Variants in NKD1 observed in about 807,000 individuals in gnomAD.
NKD1 encodes the protein protein naked cuticle homolog 1.
A neutral mutation model predicts 56.0 loss-of-function variants in NKD1; 21 were observed. The observed-to-expected ratio is 0.38, with a 90% confidence interval of 0.27 to 0.54. NKD1 has a LOEUF of 0.54. NKD1 is among the 20% of genes least tolerant of loss of function. The pLI, the probability that NKD1 is intolerant of heterozygous loss-of-function variation, is 0.82. For synonymous variants in NKD1, 263 were observed against 265.7 expected (o/e 0.99, Z 0.10); for missense variants, 578 against 642.7 (o/e 0.90, Z 1.09).
In NKD1 at chr16:50,636,379, T is replaced by C. The variant is rs1962468397; in HGVS notation, c.*2598T>C. On this transcript the variant is annotated 3_prime_UTR_variant, in exon 10 of 10. Coordinates refer to ENST00000268459, the MANE Select transcript of NKD1 (RefSeq NM_033119.5). ...TGGGACTTGCCCAACTTTAAAAACA[T>C]TATTTAAAAAAATAGTAATGTGCAC... 2.0e-5 allele frequency: 3 copies of C among 152,224 alleles called. No homozygotes were observed. Among genetic ancestry groups the C allele is most frequent in the Non-Finnish European group, 2.9e-5 (2 of 68,042 alleles). 9.4% of individuals were successfully genotyped at this position (152,224 alleles called of 1,614,324 possible). A position where few individuals can be genotyped will look rare whatever the true frequency, so the allele number is the denominator to read the frequency against.
chr16:50,606,092 C>T (rs1961701395), intron 3 of NKD1: 1 of 150,674 alleles, frequency 6.6e-6, no homozygotes, highest in Admixed American at 6.6e-5. Flanking sequence ...GAGTCTCACA[C>T]TGTCACCTGG....
In NKD1 at chr16:50,643,267, G is replaced by A. The variant is rs376154726; in HGVS notation, c.*9486G>A. 6.6e-6 allele frequency: 1 copy of A among 152,208 alleles called. No individual in the cohort carries two copies. Among genetic ancestry groups the A allele is most frequent in the East Asian group, 1.9e-4 (1 of 5,202 alleles). The allele number at this position is 152,208 out of a possible 1,614,324, so 9.4% of individuals were successfully genotyped here. A position where few individuals can be genotyped will look rare whatever the true frequency, so the allele number is the denominator to read the frequency against. The stretch of plus-strand genomic sequence containing the variant: ...AAAACAGCCTTGAGAGGAAACCAAC[G>A]AGGAAACAGAGTTACAGTTCAGTTA... On this transcript the variant is annotated 3_prime_UTR_variant, in exon 10 of 10. Transcript: ENST00000268459.
At chr16:50,597,786 C>T (rs1451454101) in intron 3 of NKD1, among the ~76,000 whole-genome samples, 2 of 152,160 alleles carry the variant, frequency 1.3e-5, no homozygotes, top group Non-Finnish European at 2.9e-5. Context: ...GGGATTGGTG[C>T]CCTCATTTTA....
intron 4 of NKD1, among the ~76,000 whole-genome samples, chr16:50,620,179 T>G (rs1355398894): frequency 2.0e-5 from 3 of 152,274 alleles, no homozygotes; most frequent in Non-Finnish European, 4.4e-5. Context: ...CCAGGGGAAG[T>G]GCCTTAGTTA....
intron 4 of NKD1, among the ~76,000 whole-genome samples, chr16:50,612,451 G>A (rs974526999): frequency 6.6e-6 from 1 of 152,250 alleles, no homozygotes; most frequent in African/African-American, 2.4e-5. Flanking sequence ...GGGCTCTGCT[G>A]GGCCCTGGGT....
chr16:50,560,860 A>ATCTATCTG (rs1960616064), intron 3 of NKD1, among the ~76,000 whole-genome samples: 2 of 151,812 alleles, frequency 1.3e-5, no homozygotes, highest in Admixed American at 1.3e-4. Flanking sequence ...CTATCTATCT[A>ATCTATCTG]TCTACAGCAG....
At chr16:50,582,985 G>A (rs562438022) in intron 3 of NKD1, among the ~76,000 whole-genome samples, 6 of 152,140 alleles carry the variant, frequency 3.9e-5, no homozygotes, top group African/African-American at 1.2e-4. Context: ...CCAGCCTGGC[G>A]ACAGCGCGAG....
intron 3 of NKD1, among the ~76,000 whole-genome samples, chr16:50,565,950 A>G (rs995715188): frequency 5.9e-5 from 9 of 152,082 alleles, no homozygotes; most frequent in African/African-American, 1.9e-4. Flanking sequence ...CCTGTGGTCG[A>G]CTTTAGAGCA....
intron 3 of NKD1, among the ~76,000 whole-genome samples, chr16:50,563,062 C>CT (rs968617506): frequency 2.2e-5 from 3 of 134,828 alleles, no homozygotes; most frequent in Non-Finnish European, 4.6e-5. Context: ...ACCAGTAGAA[C>CT]TTTCTGATGA....
At chr16:50,580,997 G>A (rs750129611) in intron 3 of NKD1, among the ~76,000 whole-genome samples, 16 of 152,210 alleles carry the variant, frequency 1.1e-4, no homozygotes, top group Non-Finnish European at 1.8e-4. Context: ...AACCAAAATG[G>A]TTGTTTTCTG....
intron 5 of NKD1, 171 bp from the exon 6 acceptor site, chr16:50,625,314 C>T: frequency 4.9e-6 from 3 of 606,694 alleles, no homozygotes; most frequent in East Asian, 2.8e-5. Flanking sequence ...GCTCTGGCTG[C>T]CCTCCTGGGC....
chr16:50,620,546 T>G (rs550116586), intron 4 of NKD1, among the ~76,000 whole-genome samples: 1 of 152,212 alleles, frequency 6.6e-6, no homozygotes, highest in Non-Finnish European at 1.5e-5. Flanking sequence ...GGCTGTTTCT[T>G]CACCTTTAAA....
At chr16:50,548,776 G>C in intron 2 of NKD1, 27 bp downstream of exon 2, 1 of 1,383,968 alleles carries the variant, frequency 7.2e-7, no homozygotes, top group South Asian at 1.7e-5. Flanking sequence ...CGCAGACCTC[G>C]GGGATGGACG....
At chr16:50,595,478 TGTGGGGCTCAGACAGCAGAGG>T (rs1961453078) in intron 3 of NKD1, among the ~76,000 whole-genome samples, 1 of 151,994 alleles carries the variant, frequency 6.6e-6, no homozygotes, top group Non-Finnish European at 1.5e-5. Context: ...CTGGTGGAAA[TGTGGGGCTCAGACAGCAGAGG>T]CCTCTCTTCC....
intron 7 of NKD1, 98 bp downstream of exon 7, chr16:50,630,431 C>G: frequency 2.2e-6 from 3 of 1,346,952 alleles, no homozygotes; most frequent in Non-Finnish European, 3.1e-6. Context: ...TGTGGGCTTT[C>G]TGGGGCAGCT....
intron 3 of NKD1, among the ~76,000 whole-genome samples, chr16:50,578,530 T>C (rs1961038004): frequency 6.6e-6 from 1 of 152,152 alleles, no homozygotes; most frequent in African/African-American, 2.4e-5. Context: ...TTCCAGAAGA[T>C]TCTGCCTCTT....
intron 4 of NKD1, among the ~76,000 whole-genome samples, chr16:50,615,349 A>C (rs919568659): frequency 6.6e-6 from 1 of 152,208 alleles, no homozygotes; most frequent in Non-Finnish European, 1.5e-5. Context: ...AGACATATAT[A>C]TCTCAGGGTA....
intron 3 of NKD1, chr16:50,606,522 G>C: frequency 3.0e-6 from 1 of 335,238 alleles, no homozygotes; most frequent in Non-Finnish European, 6.0e-6. Context: ...TTGGTTCTCC[G>C]AGCAGGGAGT....
At chr16:50,597,771 C>T (rs1164738584) in intron 3 of NKD1, among the ~76,000 whole-genome samples, 7 of 152,108 alleles carry the variant, frequency 4.6e-5, no homozygotes, top group South Asian at 2.1e-4. Context: ...GCGTGGCAGG[C>T]GGGTGGGATT....
Sources: gnomAD v4.1 joint callset for allele counts (sites outside exome capture counted in the v4.1 genomes callset) on GRCh38, gnomAD v4.1.1 for gene constraint, MANE v1.5 for transcripts, NCBI Gene and HGNC (gene_info 2026-07-23, HGNC 2026-07-21) for gene names.